BTC: variants seen among roughly 807,000 people sequenced by gnomAD.
BTC encodes probetacellulin.
A neutral mutation model predicts 18.1 loss-of-function variants in BTC; 13 were observed. The observed-to-expected ratio is 0.72, with a 90% confidence interval of 0.47 to 1.14. The LOEUF (loss-of-function observed/expected upper bound fraction) is 1.14. BTC is among the 50% of genes most tolerant of loss of function. BTC has a pLI of 0.00. For synonymous variants in BTC, 83 were observed against 79.4 expected, an observed-to-expected ratio of 1.05 and a Z score of -0.24; for missense variants, 247 against 224.2, an observed-to-expected ratio of 1.10 and a Z score of -0.65.
chr4:74,749,296 G>A (rs1185955710), intron 4 of BTC, among the ~76,000 whole-genome samples: 4 of 151,870 alleles, frequency 2.6e-5, no homozygotes, highest in South Asian at 2.1e-4. Flanking sequence ...GTGTGGTGGC[G>A]GGCCCTTGTA....
chr4:74,774,131 T>A (rs138581405), intron 1 of BTC, among the ~76,000 whole-genome samples: 2 of 152,328 alleles, frequency 1.3e-5, no homozygotes, highest in African/African-American at 4.8e-5. Flanking sequence ...TCATAATGTG[T>A]TAATTGTTTC....
At chr4:74,792,699 C>A (rs890415651) in intron 1 of BTC, among the ~76,000 whole-genome samples, 1 of 152,224 alleles carries the variant, frequency 6.6e-6, no homozygotes, top group South Asian at 2.1e-4. Flanking sequence ...CATCGCCAAC[C>A]CTTTACTAAA....
rs1306129443 is a variant in BTC, at chr4:74,757,651, A to G, written c.164-1675T>C. On this transcript the variant is annotated intron_variant, in intron 2 of 5. Coordinates refer to ENST00000395743, the MANE Select transcript of BTC (RefSeq NM_001729.4). ...ACCTTATCTTACTATTTAAATTGCT[A>G]GAATAGAATAAATAAAAAACAAGAA... Among the ~76,000 whole-genome samples, 19 of 152,248 alleles carry G rather than the reference A, an allele frequency of 1.2e-4. 1 individual carries two copies. The highest frequency in any genetic ancestry group is 1.0e-3 in the Admixed American group (16 of 15,288).
intron 2 of BTC, among the ~76,000 whole-genome samples, chr4:74,764,884 G>A (rs1467302026): frequency 6.6e-6 from 1 of 152,042 alleles, no homozygotes; most frequent in Admixed American, 6.6e-5. Context: ...CACATGGCTG[G>A]GGAGGCCTCA....
intron 2 of BTC, among the ~76,000 whole-genome samples, chr4:74,767,797 T>A (rs559199458): frequency 6.6e-6 from 1 of 152,184 alleles, no homozygotes; most frequent in African/African-American, 2.4e-5. Context: ...GAAAGGGTAA[T>A]CTCTTGAATA....
At chr4:74,783,278 A>G (rs1725385695) in intron 1 of BTC, among the ~76,000 whole-genome samples, 1 of 152,098 alleles carries the variant, frequency 6.6e-6, no homozygotes, top group African/African-American at 2.4e-5. Flanking sequence ...TTTTTTGTAT[A>G]TAGTGTAAAG....
intron 1 of BTC, 56 bp from the exon 2 acceptor site, chr4:74,770,212 A>T (rs1725003265): frequency 7.5e-7 from 1 of 1,335,822 alleles, no homozygotes; most frequent in South Asian, 1.3e-5. Context: ...ATTGTGAAAC[A>T]GTCTATCAAA....
intron 1 of BTC, among the ~76,000 whole-genome samples, chr4:74,784,058 C>T (rs1725410763): frequency 1.3e-5 from 2 of 151,728 alleles, no homozygotes; most frequent in African/African-American, 4.8e-5. Flanking sequence ...CATGATGAAA[C>T]CCTGTCTCTA....
intron 2 of BTC, among the ~76,000 whole-genome samples, chr4:74,764,274 GT>G (rs1427189375): frequency 2.0e-5 from 3 of 152,218 alleles, no homozygotes; most frequent in Non-Finnish European, 4.4e-5. Context: ...CCTCTACACT[GT>G]GGGAAACTGG....
At chr4:74,791,998 C>CAG (rs1560728280) in intron 1 of BTC, among the ~76,000 whole-genome samples, 3 of 145,946 alleles carry the variant, frequency 2.1e-5, no homozygotes, top group Non-Finnish European at 4.4e-5. Context: ...CACACACACA[C>CAG]ACACACACAA....
chr4:74,769,608 T>C (rs1167834746), intron 2 of BTC, among the ~76,000 whole-genome samples: 1 of 152,190 alleles, frequency 6.6e-6, no homozygotes, highest in Non-Finnish European at 1.5e-5. Flanking sequence ...GTAAAATATG[T>C]AAAATCCTTG....
At chr4:74,758,564 CAA>C (rs1222599527) in intron 2 of BTC, among the ~76,000 whole-genome samples, 2 of 152,122 alleles carry the variant, frequency 1.3e-5, no homozygotes, top group Non-Finnish European at 2.9e-5. Context: ...CTTTAAATAT[CAA>C]AGTCATTTGG....
intron 5 of BTC, among the ~76,000 whole-genome samples, chr4:74,747,717 C>T (rs532838163): frequency 2.6e-4 from 39 of 152,210 alleles, no homozygotes; most frequent in African/African-American, 9.1e-4. Flanking sequence ...GTTATTATTG[C>T]TATTGTTATT....
At chr4:74,785,850 T>C (rs1725465147) in intron 1 of BTC, among the ~76,000 whole-genome samples, 1 of 152,142 alleles carries the variant, frequency 6.6e-6, no homozygotes, top group South Asian at 2.1e-4. Flanking sequence ...TTTCATATCC[T>C]ACTCTATAAA....
intron 1 of BTC, among the ~76,000 whole-genome samples, chr4:74,793,515 T>C (rs1194300070): frequency 6.6e-6 from 1 of 152,210 alleles, no homozygotes; most frequent in Non-Finnish European, 1.5e-5. Flanking sequence ...GTTACTGGTT[T>C]CCCTTCCCTT....
intron 4 of BTC, 88 bp downstream of exon 4, chr4:74,750,485 A>C (rs964124181): frequency 2.9e-6 from 4 of 1,361,404 alleles, no homozygotes; most frequent in South Asian, 3.1e-5. Flanking sequence ...AAAAAGCAAA[A>C]GAGAATGTAA....
intron 1 of BTC, among the ~76,000 whole-genome samples, chr4:74,784,231 C>CAA (rs1560724251): frequency 1.7e-5 from 2 of 116,336 alleles, no homozygotes; most frequent in African/African-American, 8.3e-5. Flanking sequence ...GATTCTCTCT[C>CAA]GAAAAAAAAA....
At chr4:74,769,879 T>G (rs1048074297) in intron 2 of BTC, among the ~76,000 whole-genome samples, 179 bp downstream of exon 2, 1 of 152,214 alleles carries the variant, frequency 6.6e-6, no homozygotes, top group Admixed American at 6.5e-5. Flanking sequence ...TGAAATAAAA[T>G]AAAAAATATT....
chr4:74,773,472 T>G (rs540579421), intron 1 of BTC, among the ~76,000 whole-genome samples: 52 of 152,252 alleles, frequency 3.4e-4, no homozygotes, highest in African/African-American at 1.2e-3. Flanking sequence ...GAAAGGACAC[T>G]CCATTCATAA....
Sources: allele counts gnomAD v4.1 joint callset (sites outside exome capture counted in the v4.1 genomes callset), GRCh38; gene constraint gnomAD v4.1.1; transcripts MANE v1.5; gene names NCBI Gene and HGNC (gene_info 2026-07-23, HGNC 2026-07-21).